The following PYROXD2 variants were observed in gnomAD, a reference collection of about 807,000 sequenced individuals.
The protein encoded by PYROXD2 is pyridine nucleotide-disulfide oxidoreductase domain-containing protein 2.
In PYROXD2, 69 loss-of-function variants were observed where a neutral mutation model predicts 71.1. The observed-to-expected ratio is 0.97, with a 90% CI of 0.80 to 1.19. PYROXD2 has a LOEUF of 1.19. Ranked by LOEUF, PYROXD2 falls within the 50% of genes most tolerant of loss-of-function variation. PYROXD2 has a pLI of 0.00. For synonymous variants in PYROXD2, 287 were observed against 302.7 expected (o/e 0.95, Z 0.54); for missense variants, 745 against 748.9 (o/e 0.99, Z 0.06).
rs772866057 is a variant in PYROXD2, at chr10:98,407,933, C to A, written c.212G>T (p.Gly71Val). Residue 71 changes from glycine (G) to valine (V), a missense_variant, in exon 3 of 16, where the codon GGT becomes GTT. Gly to Val is a moderately radical substitution (Grantham distance 109). Transcript: ENST00000370575. ...AVFERRHVIG[G>V]AAVTEEIIPG... ...GATGATCTCCTCAGTGACAGCTGCA[C>A]CCCCGATCACATGGCGCCTCTCGAA... 3.1e-6 allele frequency: 5 copies of A among 1,610,652 alleles called. No homozygotes were observed. The African/African-American group carries it at 4.0e-5, about 13-fold the overall frequency.
chr10:98,400,728 A>C (rs960598891), intron 4 of PYROXD2, among the ~76,000 whole-genome samples: 2 of 152,306 alleles, frequency 1.3e-5, no homozygotes, highest in Admixed American at 1.3e-4. Flanking sequence ...TTACCTCACA[A>C]TAACTTTGTA....
Position 98,390,759 on chromosome 10 carries a change from G to A in PYROXD2, c.1136-5C>T, listed in dbSNP as rs763481820. On this transcript the variant is annotated splice_polypyrimidine_tract_variant and splice_region_variant and intron_variant, in intron 11 of 15. Transcript: ENST00000370575. ...TGGGCAGCCTGTCTACGGCCACTGAGGGACCAAAGAGGAGGGTCAGGTCTT... is the reference window on the plus strand; with the variant it reads ...TGGGCAGCCTGTCTACGGCCACTGAAGGACCAAAGAGGAGGGTCAGGTCTT... The A allele has an allele frequency of 1.3e-6, 2 of 1,580,706 alleles. No homozygotes were observed. Among genetic ancestry groups the A allele is most frequent in the Non-Finnish European group, 1.7e-6 (2 of 1,162,786 alleles).
intron 13 of PYROXD2, 59 bp downstream of exon 13, chr10:98,388,295 C>A (rs1243027318): frequency 3.8e-6 from 6 of 1,572,686 alleles, no homozygotes; most frequent in Admixed American, 3.4e-5. Context: ...GAGGAGCAGG[C>A]CCAGTTGGGT....
At chr10:98,404,792 A>T (rs1843538912) in intron 4 of PYROXD2, among the ~76,000 whole-genome samples, 1 of 152,184 alleles carries the variant, frequency 6.6e-6, no homozygotes, top group South Asian at 2.1e-4. Flanking sequence ...AGAATGCCAT[A>T]AAAACGACCG....
chr10:98,403,853 G>A (rs1473832095), intron 4 of PYROXD2, among the ~76,000 whole-genome samples: 1 of 152,198 alleles, frequency 6.6e-6, no homozygotes, highest in Non-Finnish European at 1.5e-5. Flanking sequence ...ACACCCAAGG[G>A]CTTCTCTCAG....
At chr10:98,401,739 C>T (rs1415391304) in intron 4 of PYROXD2, among the ~76,000 whole-genome samples, 1 of 152,078 alleles carries the variant, frequency 6.6e-6, no homozygotes, top group Non-Finnish European at 1.5e-5. Flanking sequence ...TAGGCCTACA[C>T]GGGGTCAGGA....
intron 11 of PYROXD2, 118 bp downstream of exon 11, chr10:98,390,892 G>A: frequency 7.4e-7 from 1 of 1,350,540 alleles, no homozygotes; most frequent in South Asian, 1.2e-5. Context: ...GCTGCAGGGG[G>A]ACACAGGCTG....
Position 98,390,593 on chromosome 10 carries a change from C to A in PYROXD2, c.1292+5G>T. 6.3e-7 allele frequency: 1 copy of A among 1,583,728 alleles called. No individual in the cohort carries two copies. The highest frequency in any genetic ancestry group is 1.2e-5 in the South Asian group (1 of 85,070). ...ATCAGGGAACATAAAGTCCAGGGCC[C>A]CTACCTGTGGGAAGGCAGGCCATCC... On this transcript the variant is annotated splice_donor_5th_base_variant and intron_variant, in intron 12 of 15. Transcript: ENST00000370575.
At chr10:98,385,530 C>A (rs1842722891) in intron 14 of PYROXD2, among the ~76,000 whole-genome samples, 2 of 152,250 alleles carry the variant, frequency 1.3e-5, no homozygotes, top group South Asian at 4.1e-4. Context: ...TTCTGCCCCC[C>A]TGGCTTGGGT....
intron 4 of PYROXD2, among the ~76,000 whole-genome samples, chr10:98,405,930 C>T (rs1471904405): frequency 1.3e-5 from 2 of 152,212 alleles, no homozygotes; most frequent in Admixed American, 1.3e-4. Flanking sequence ...AGGTAAGGAT[C>T]AATTGAGATA....
chr10:98,410,056 T>A (rs1843734014), intron 2 of PYROXD2, among the ~76,000 whole-genome samples: 1 of 151,734 alleles, frequency 6.6e-6, no homozygotes, highest in Admixed American at 6.6e-5. Flanking sequence ...CCAGCCTGGG[T>A]GACAAGAGCA....
chr10:98,396,008 A>G (rs895051668), intron 6 of PYROXD2, among the ~76,000 whole-genome samples: 101 of 152,112 alleles, frequency 6.6e-4, no homozygotes, highest in Admixed American at 4.8e-3. Flanking sequence ...TGCTCAATAA[A>G]TGTTTTTTGC....
chr10:98,412,448 G>A (rs1843819639), intron 1 of PYROXD2, among the ~76,000 whole-genome samples: 1 of 152,204 alleles, frequency 6.6e-6, no homozygotes, highest in Non-Finnish European at 1.5e-5. Context: ...GCAGCTGCCT[G>A]CATCAGGCAG....
intron 2 of PYROXD2, among the ~76,000 whole-genome samples, chr10:98,408,880 G>A (rs541402740): frequency 6.6e-6 from 1 of 152,302 alleles, no homozygotes; most frequent in Admixed American, 6.5e-5. Context: ...CCAAGAGGTA[G>A]GTACTATGAT....
chr10:98,392,928 G>A lies in PYROXD2; in HGVS notation c.927+14C>T, dbSNP rs1842995973. On this transcript the variant is annotated intron_variant, in intron 9 of 15. Transcript: ENST00000370575. Reference sequence around the variant, plus strand: ...CCTTACTAATAATTGGGGTGGGGTAGAGGGGCCGTTCACCTTTTCAGTGAA... The same window carrying A: ...CCTTACTAATAATTGGGGTGGGGTAAAGGGGCCGTTCACCTTTTCAGTGAA... The A allele has an allele frequency of 5.6e-6, 9 of 1,612,546 alleles. No individual in the cohort carries two copies. Among genetic ancestry groups the A allele is most frequent in the Non-Finnish European group, 6.8e-6 (8 of 1,179,064 alleles).
At chr10:98,390,527 T>A (rs902538008) in intron 12 of PYROXD2, 71 bp downstream of exon 12, 33 of 1,463,786 alleles carry the variant, frequency 2.3e-5, no homozygotes, top group Non-Finnish European at 2.5e-5. Flanking sequence ...CTGCTGTGGG[T>A]GGCATGGACA....
intron 10 of PYROXD2, among the ~76,000 whole-genome samples, chr10:98,391,828 C>T (rs749291424): frequency 2.0e-5 from 3 of 152,214 alleles, no homozygotes; most frequent in Admixed American, 6.5e-5. Flanking sequence ...TAGCCGAGTC[C>T]CCCACCCGGT....
rs371242982 is a variant in PYROXD2 at position 98,400,091 on chromosome 10, G to A, written c.471+11C>T. 116 of 1,610,852 alleles carry A rather than the reference G, an allele frequency of 7.2e-5. No individual in the cohort carries two copies. The highest frequency in any genetic ancestry group is 1.8e-4 in the East Asian group (8 of 44,844). ...GGGAGCAGGAGCTCAGTCACTGGTC[G>A]CCTTCCCTACCTGGGCATCCTTCTG... On this transcript the variant is annotated intron_variant, in intron 5 of 15. Coordinates refer to ENST00000370575, the MANE Select transcript of PYROXD2 (RefSeq NM_032709.3).
At position 98,387,215 on chromosome 10, in the gene PYROXD2, C is replaced by G; in HGVS notation, c.1540G>C (p.Gly514Arg). Reference sequence around the variant, plus strand: ...CTTATACATACCCCTCCAGGAAGCCCGAAGATTCTCTCCAAATCTGGTGGT... The same window carrying G: ...CTTATACATACCCCTCCAGGAAGCCGGAAGATTCTCTCCAAATCTGGTGGT... ...LTPPDLERIF[G>R]LPGGNIFHCA... is the part of the protein sequence containing the mutation. Residue 514 changes from glycine to arginine, a missense_variant, in exon 14 of 16, where the codon GGG (glycine) becomes CGG (arginine). By Grantham distance (125) the Gly-to-Arg change is moderately radical. Transcript: ENST00000370575. 3 of 1,613,848 alleles carry G rather than the reference C, an allele frequency of 1.9e-6. No homozygotes were observed. The highest frequency in any genetic ancestry group is 2.5e-6 in the Non-Finnish European group (3 of 1,179,852).
Sources: allele counts gnomAD v4.1 joint callset (sites outside exome capture counted in the v4.1 genomes callset), GRCh38; gene constraint gnomAD v4.1.1; transcripts MANE v1.5; gene names NCBI Gene and HGNC (gene_info 2026-07-23, HGNC 2026-07-21).